Variants in TMCC1 observed in about 807,000 individuals in gnomAD.
TMCC1 encodes transmembrane and coiled-coil domains protein 1.
In TMCC1, 15 loss-of-function variants were observed where a neutral mutation model predicts 52.4. The observed-to-expected ratio is 0.29, with a 90% CI of 0.19 to 0.44. TMCC1 has a LOEUF of 0.44. Among genes scored for constraint, TMCC1 ranks in the 20% least tolerant of loss-of-function variants. The probability of loss-of-function intolerance (pLI) is 1.00; values close to 1 mark genes in which losing one functional copy is unlikely to be tolerated. For synonymous variants in TMCC1, 279 were observed against 301.9 expected (o/e 0.92, Z 0.79); for missense variants, 503 against 806.0 (o/e 0.62, Z 4.55).
At chr3:129,830,570 T>C (rs186472807) in intron 3 of TMCC1, among the ~76,000 whole-genome samples, 158 of 152,266 alleles carry the variant, frequency 1.0e-3, no homozygotes, top group African/African-American at 3.4e-3. Flanking sequence ...TGGGAGGGTG[T>C]GAAAGCAGCA....
At chr3:129,882,445 A>G (rs1393303171) in intron 1 of TMCC1, among the ~76,000 whole-genome samples, 1 of 152,202 alleles carries the variant, frequency 6.6e-6, no homozygotes. Flanking sequence ...CCACTGGGGA[A>G]AACAGTATGG....
chr3:129,711,088 T>C (rs990460405), intron 4 of TMCC1, among the ~76,000 whole-genome samples: 23 of 152,280 alleles, frequency 1.5e-4, no homozygotes, highest in African/African-American at 5.5e-4. Flanking sequence ...GGTCTTGAAC[T>C]CCTCACCTCA....
rs2086324025 is a variant in TMCC1 at position 129,651,558 on chromosome 3, C to A, written c.1885G>T (p.Val629Phe). 1 of 1,614,218 alleles carries A rather than the reference C, an allele frequency of 6.2e-7. No homozygotes were observed. Among genetic ancestry groups the A allele is most frequent in the Non-Finnish European group, 8.5e-7 (1 of 1,180,042 alleles). ...TGCTTCCAGAGAAAGGCAATAAAAA[C>A]CACAAGGAATAAAGTGCTGAACGTC... is the stretch of plus-strand genomic sequence containing the variant. ...NRTFSTLFLV[V>F]FIAFLWKHWD... Residue 629 changes from valine to phenylalanine, a missense_variant, in exon 7 of 7, where the codon GTT becomes TTT. Coordinates refer to ENST00000393238, the MANE Select transcript of TMCC1 (RefSeq NM_001017395.5). The surrounding 1 kb of genome is among the most constrained non-coding windows in gnomAD (Gnocchi z 5.1).
chr3:129,855,668 C>T (rs554928139), intron 2 of TMCC1, among the ~76,000 whole-genome samples: 2 of 152,116 alleles, frequency 1.3e-5, no homozygotes, highest in African/African-American at 4.8e-5. Flanking sequence ...AAAACAACAA[C>T]AACAACAAAA....
intron 4 of TMCC1, among the ~76,000 whole-genome samples, chr3:129,795,997 G>T (rs2056796487): frequency 6.6e-6 from 1 of 152,154 alleles, no homozygotes. Flanking sequence ...ATCTTACTAT[G>T]CCTAATTTCT....
chr3:129,888,826 T>A (rs780208604), intron 1 of TMCC1, among the ~76,000 whole-genome samples: 8 of 152,144 alleles, frequency 5.3e-5, no homozygotes, highest in South Asian at 4.1e-4. Context: ...AGGGTTAACA[T>A]CAACACTGAT....
chr3:129,870,061 C>T (rs73866143), intron 2 of TMCC1, among the ~76,000 whole-genome samples: 2,357 of 152,270 alleles, frequency 0.015, 47 homozygotes, highest in African/African-American at 0.054. Context: ...TAAACTTTAA[C>T]AATCCTTGAG....
intron 4 of TMCC1, among the ~76,000 whole-genome samples, chr3:129,818,030 A>G (rs1576969047): frequency 6.6e-6 from 1 of 151,936 alleles, no homozygotes; most frequent in Admixed American, 6.6e-5. Flanking sequence ...GGCTGGTCTC[A>G]AACTCCTGAC....
chr3:129,848,060 CCT>C (rs1175417919), intron 2 of TMCC1: 4 of 152,178 alleles, frequency 2.6e-5, no homozygotes. Flanking sequence ...AGATACACAT[CCT>C]CTGTCAGACA....
At chr3:129,879,722 T>G (rs995562585) in intron 2 of TMCC1, among the ~76,000 whole-genome samples, 1 of 152,188 alleles carries the variant, frequency 6.6e-6, no homozygotes, top group Non-Finnish European at 1.5e-5. Context: ...CTCTACAATA[T>G]CACACCTCCT....
intron 2 of TMCC1, among the ~76,000 whole-genome samples, chr3:129,840,267 C>T (rs1421284927): frequency 8.0e-6 from 1 of 125,202 alleles, no homozygotes; most frequent in Non-Finnish European, 1.6e-5. Flanking sequence ...GTCAAGGCTG[C>T]AATGAGCCAT....
chr3:129,743,176 G>A (rs2051612280), intron 4 of TMCC1, among the ~76,000 whole-genome samples: 1 of 152,092 alleles, frequency 6.6e-6, no homozygotes, highest in African/African-American at 2.4e-5. Flanking sequence ...TGAGGTGTAT[G>A]GTATAAGAAT....
intron 2 of TMCC1, among the ~76,000 whole-genome samples, chr3:129,876,572 T>C (rs1022876065): frequency 1.8e-4 from 27 of 152,052 alleles, no homozygotes; most frequent in African/African-American, 5.1e-4. Context: ...GGCAGGAGGA[T>C]TGCTTGAAGC....
chr3:129,875,191 T>TA (rs780151102), intron 2 of TMCC1, among the ~76,000 whole-genome samples: 172 of 140,522 alleles, frequency 1.2e-3, no homozygotes, highest in Middle Eastern at 7.4e-3. Flanking sequence ...CATTGCTATT[T>TA]AAAAAAAAAA....
At chr3:129,816,109 G>A (rs2058083025) in intron 4 of TMCC1, among the ~76,000 whole-genome samples, 1 of 152,160 alleles carries the variant, frequency 6.6e-6, no homozygotes, top group Non-Finnish European at 1.5e-5. Flanking sequence ...AGGATGTGGA[G>A]AAAGGGGATG....
intron 2 of TMCC1, chr3:129,867,117 A>C (rs1340412891): frequency 6.6e-6 from 1 of 152,146 alleles, no homozygotes; most frequent in Non-Finnish European, 1.5e-5. Context: ...TAAAAAAAAA[A>C]AAACACTTCT....
chr3:129,824,678 A>C (rs1455173669), intron 4 of TMCC1, among the ~76,000 whole-genome samples: 1 of 148,246 alleles, frequency 6.7e-6, no homozygotes, highest in African/African-American at 2.4e-5. Context: ...AAGGGAGAAC[A>C]ATGAGAAAGC....
intron 4 of TMCC1, among the ~76,000 whole-genome samples, chr3:129,677,217 A>AT (rs2088533101): frequency 6.6e-6 from 1 of 152,190 alleles, no homozygotes; most frequent in Non-Finnish European, 1.5e-5. Context: ...GTGAGCTGAG[A>AT]TTGTGTCACT....
chr3:129,742,601 G>A (rs1292370220), intron 4 of TMCC1, among the ~76,000 whole-genome samples: 2 of 152,098 alleles, frequency 1.3e-5, no homozygotes, highest in African/African-American at 4.8e-5. Flanking sequence ...CTCATATATT[G>A]CTAGTGGTAA....
Sources: allele counts gnomAD v4.1 joint callset (sites outside exome capture counted in the v4.1 genomes callset), GRCh38; gene constraint gnomAD v4.1.1; non-coding constraint Gnocchi (gnomAD v3.1); transcripts MANE v1.5; gene names NCBI Gene and HGNC (gene_info 2026-07-23, HGNC 2026-07-21).